Variants in CSMD1 observed in about 807,000 individuals in gnomAD.
CSMD1 encodes CUB and sushi domain-containing protein 1.
CSMD1 carries 213 observed loss-of-function variants against 417.5 expected under a neutral mutation model. That is an observed-to-expected ratio of 0.51 (90% CI 0.46 to 0.57). The LOEUF (loss-of-function observed/expected upper bound fraction) is 0.57, where lower values mean the gene tolerates loss of function less well. Ranked by LOEUF, CSMD1 falls within the 20% of genes least tolerant of loss-of-function variation. The pLI is 0.00. For missense variants in CSMD1, 6,923 were observed against 4,529.7 expected (o/e 1.53, Z -15.17); for synonymous variants, 2,862 against 1,736.8 (o/e 1.65, Z -16.11).
At chr8:4,297,513 C>G (rs1797751123) in intron 3 of CSMD1, among the ~76,000 whole-genome samples, 1 of 152,140 alleles carries the variant, frequency 6.6e-6, no homozygotes, top group South Asian at 2.1e-4. Flanking sequence ...GCCATTTTTG[C>G]TTCTATAGCT....
chr8:4,403,045 A>G (rs1318905090), intron 3 of CSMD1, among the ~76,000 whole-genome samples: 1 of 151,446 alleles, frequency 6.6e-6, no homozygotes, highest in Non-Finnish European at 1.5e-5. Context: ...GTTGGCCAGG[A>G]TGGTCTCAAT....
intron 40 of CSMD1, among the ~76,000 whole-genome samples, chr8:3,150,564 C>G (rs149530827): frequency 4.6e-4 from 70 of 152,304 alleles, no homozygotes; most frequent in African/African-American, 1.5e-3. Context: ...GCAGTTATTT[C>G]TATTTATGGT....
At chr8:4,097,492 G>T (rs752803465) in intron 3 of CSMD1, among the ~76,000 whole-genome samples, 29 of 152,144 alleles carry the variant, frequency 1.9e-4, no homozygotes, top group Non-Finnish European at 4.0e-4. Flanking sequence ...GAAAGATTTA[G>T]ATTCCCTTTG....
chr8:3,436,835 T>G (rs188648457), intron 12 of CSMD1, among the ~76,000 whole-genome samples: 1 of 152,200 alleles, frequency 6.6e-6, no homozygotes, highest in African/African-American at 2.4e-5. Flanking sequence ...TTTGTCAGTA[T>G]GCTAATATGT....
chr8:4,661,848 G>A (rs1198386475), intron 1 of CSMD1, among the ~76,000 whole-genome samples: 2 of 152,180 alleles, frequency 1.3e-5, no homozygotes, highest in Non-Finnish European at 2.9e-5. Context: ...GTTGTAGAAT[G>A]TTAATGTTAT....
chr8:4,265,273 G>A (rs968690271), intron 3 of CSMD1, among the ~76,000 whole-genome samples: 1 of 151,874 alleles, frequency 6.6e-6, no homozygotes, highest in African/African-American at 2.4e-5. Flanking sequence ...TAGCAAACAA[G>A]GATAATTACT....
chr8:4,272,513 A>C lies in CSMD1; in HGVS notation c.415+147440T>G, dbSNP rs117586419. The stretch of plus-strand genomic sequence containing the variant: ...ACGATCACAGTATTTCAAAAAATAC[A>C]TAGAAACCACATGCATAACAAGTGA... On this transcript the variant is annotated intron_variant, in intron 3 of 69. Transcript: ENST00000635120. Among the ~76,000 whole-genome samples the C allele has an allele frequency of 2.3e-3, 357 of 152,324 alleles. 2 individuals carry two copies. Among genetic ancestry groups the C allele is most frequent in the Middle Eastern group, 6.8e-3 (2 of 294 alleles).
intron 5 of CSMD1, among the ~76,000 whole-genome samples, chr8:3,858,428 T>TA (rs1804460173): frequency 1.3e-5 from 2 of 152,206 alleles, no homozygotes; most frequent in Admixed American, 1.3e-4. Flanking sequence ...AATCAGTTTT[T>TA]AATCTATGTT....
At chr8:3,221,354 T>G (rs987674138) in intron 28 of CSMD1, among the ~76,000 whole-genome samples, 1 of 152,204 alleles carries the variant, frequency 6.6e-6, no homozygotes, top group Non-Finnish European at 1.5e-5. Flanking sequence ...TTACTAGGTA[T>G]AGGCGCTAGC....
intron 3 of CSMD1, among the ~76,000 whole-genome samples, chr8:4,113,906 C>G (rs28766110): frequency 2.0e-5 from 3 of 152,130 alleles, no homozygotes; most frequent in East Asian, 3.9e-4. Flanking sequence ...AAGAAAACTC[C>G]GAAGCCAGCA....
intron 42 of CSMD1, among the ~76,000 whole-genome samples, chr8:3,113,810 G>C (rs771555579): frequency 6.6e-5 from 10 of 152,206 alleles, no homozygotes; most frequent in East Asian, 1.9e-4. Context: ...TGGCACAGGA[G>C]GGCGGAGGTA....
At chr8:3,768,864 G>A (rs1190006729) in intron 5 of CSMD1, among the ~76,000 whole-genome samples, 4 of 152,170 alleles carry the variant, frequency 2.6e-5, no homozygotes, top group Admixed American at 6.5e-5. Context: ...ACAGGCTCTA[G>A]GAAATGTCCA....
At chr8:4,292,070 G>T (rs560390337) in intron 3 of CSMD1, among the ~76,000 whole-genome samples, 3 of 152,204 alleles carry the variant, frequency 2.0e-5, no homozygotes, top group South Asian at 4.1e-4. Context: ...ATCATTCAAT[G>T]AAAACACCAA....
At chr8:4,717,594 C>T (rs1253796766) in intron 1 of CSMD1, among the ~76,000 whole-genome samples, 2 of 150,298 alleles carry the variant, frequency 1.3e-5, no homozygotes, top group Admixed American at 1.3e-4. Flanking sequence ...ATACATCCAT[C>T]CATCCATCCA....
chr8:3,839,459 A>G, intron 5 of CSMD1, among the ~76,000 whole-genome samples: 1 of 124,682 alleles, frequency 8.0e-6, no homozygotes, highest in African/African-American at 3.1e-5. Flanking sequence ...AATATAATAT[A>G]TTATATATTA....
At chr8:3,846,261 G>A (rs951105978) in intron 5 of CSMD1, among the ~76,000 whole-genome samples, 1 of 152,228 alleles carries the variant, frequency 6.6e-6, no homozygotes, top group East Asian at 1.9e-4. Flanking sequence ...CCACGCTATG[G>A]CATTATGATC....
At chr8:4,717,549 C>CCTAT (rs555540196) in intron 1 of CSMD1, among the ~76,000 whole-genome samples, 4,845 of 148,700 alleles carry the variant, frequency 0.033, 249 homozygotes, top group African/African-American at 0.1. Flanking sequence ...TGTCTGTCTA[C>CCTAT]CTATCTATCT....
At chr8:4,392,578 G>C (rs911167076) in intron 3 of CSMD1, among the ~76,000 whole-genome samples, 1 of 151,834 alleles carries the variant, frequency 6.6e-6, no homozygotes, top group African/African-American at 2.4e-5. Context: ...TGTGTAAATG[G>C]CTTTCATCTG....
At chr8:3,431,400 C>G (rs141263009) in intron 12 of CSMD1, among the ~76,000 whole-genome samples, 1 of 152,090 alleles carries the variant, frequency 6.6e-6, no homozygotes, top group Non-Finnish European at 1.5e-5. Flanking sequence ...TTTAGTGTGC[C>G]GCTTTTGTAT....
Sources: allele counts gnomAD v4.1 joint callset (sites outside exome capture counted in the v4.1 genomes callset), GRCh38; gene constraint gnomAD v4.1.1; transcripts MANE v1.5; gene names NCBI Gene and HGNC (gene_info 2026-07-23, HGNC 2026-07-21).